Variants in CCDC92B observed in about 807,000 individuals in gnomAD.
CCDC92B encodes the protein coiled-coil domain-containing 92B.
In CCDC92B, 2 loss-of-function variants were observed where a neutral mutation model predicts 5.6. That is an observed-to-expected ratio of 0.36 (90% CI 0.15 to 1.12). The LOEUF is 1.12. Ranked by LOEUF, CCDC92B falls within the 50% of genes most tolerant of loss-of-function variation. CCDC92B has a pLI of 0.40. For missense variants in CCDC92B, 271 were observed against 262.2 expected (o/e 1.03, Z -0.23); for synonymous variants, 115 against 122.3 (o/e 0.94, Z 0.39).
intron 1 of CCDC92B, among the ~76,000 whole-genome samples, chr17:2,739,614 G>A (rs971803127): frequency 6.0e-5 from 9 of 149,866 alleles, no homozygotes; most frequent in Non-Finnish European, 8.9e-5. Flanking sequence ...CCCGGGAGGT[G>A]GAGCTTGCAG....
chr17:2,747,383 T>C (rs982020931), intron 1 of CCDC92B, among the ~76,000 whole-genome samples: 4 of 152,314 alleles, frequency 2.6e-5, no homozygotes, highest in East Asian at 1.9e-4. Context: ...ATTATTCTTA[T>C]AGTCAGCGCG....
At chr17:2,737,548 C>T (rs1408183824) in intron 1 of CCDC92B, among the ~76,000 whole-genome samples, 2 of 141,984 alleles carry the variant, frequency 1.4e-5, no homozygotes, top group Non-Finnish European at 3.0e-5. Context: ...GATCTCGGCT[C>T]ACTGCAAGCT....
Position 2,724,572 on chromosome 17 carries a change from C to A in CCDC92B, c.607G>T (p.Asp203Tyr). 1 of 981,736 alleles carries A rather than the reference C, an allele frequency of 1.0e-6. No homozygotes were observed. Among genetic ancestry groups the A allele is most frequent in the Non-Finnish European group, 1.2e-6 (1 of 828,474 alleles). The allele number at this position is 981,736 out of a possible 1,614,324, so 60.8% of individuals were successfully genotyped here. A position where few individuals can be genotyped will look rare whatever the true frequency, so the allele number is the denominator to read the frequency against. The change falls in exon 4 of 4, where the codon GAC becomes TAC. Residue 203 changes from aspartate (D) to tyrosine (Y), a missense_variant. Physicochemically the swap from Asp to Tyr is radical, Grantham distance 160. Transcript: ENST00000614400. This position sits in a 1 kb window ranked among gnomAD's most constrained non-coding sequence, Gnocchi z 5.0. ...AWDRGAGALD[D>Y]ADPMPDPALF... is the part of the protein sequence containing the mutation. ...GCGGGGTCGGGCATGGGGTCGGCGT[C>A]GTCGAGGGCGCCGGCCCCGCGGTCC...
At position 2,724,724 on chromosome 17, in the gene CCDC92B, T is replaced by TCATTTCTGCAATCCCA. The variant is rs2070704463; in HGVS notation, c.454_455insTGGGATTGCAGAAATG (p.Gln152LeufsTer6). 1.0e-6 allele frequency: 1 copy of TCATTTCTGCAATCCCA among 983,898 alleles called. No individual in the cohort carries two copies. Among genetic ancestry groups the TCATTTCTGCAATCCCA allele is most frequent in the Non-Finnish European group, 1.2e-6 (1 of 829,234 alleles). The allele number at this position is 983,898 out of a possible 1,614,324, so 60.9% of individuals were successfully genotyped here. On this transcript the variant is annotated stop_gained and frameshift_variant, in exon 4 of 4. Transcript: ENST00000614400. LOFTEE classifies it low-confidence loss of function (END_TRUNC). This position sits in a 1 kb window ranked among gnomAD's most constrained non-coding sequence, Gnocchi z 5.0. ...GGCGCCGGGGCCCGGGCGCGGGGCC[T>TCATTTCTGCAATCCCA]GCAGTCTCTGGCGCGCCGCGTGCAG...
At chr17:2,739,552 G>A (rs2070902833) in intron 1 of CCDC92B, among the ~76,000 whole-genome samples, 1 of 151,486 alleles carries the variant, frequency 6.6e-6, no homozygotes, top group Non-Finnish European at 1.5e-5. Context: ...CGTGGTGGCG[G>A]GTGCCTGTAG....
At position 2,730,086 on chromosome 17, in the gene CCDC92B, A is replaced by G. The variant is rs2070776042; in HGVS notation, c.178+360T>C. Among the ~76,000 whole-genome samples the G allele has an allele frequency of 2.0e-5, 3 of 152,214 alleles. No individual in the cohort carries two copies. In the South Asian group the frequency reaches 6.2e-4, roughly 32 times the overall value. On this transcript the variant is annotated intron_variant, in intron 3 of 3. Transcript: ENST00000614400. ...AAGCAGGCTAAGGGGAAGTAAAGCCACATTACCATTTCCTTCATGCCTTAC... is the reference window on the plus strand; with the variant it reads ...AAGCAGGCTAAGGGGAAGTAAAGCCGCATTACCATTTCCTTCATGCCTTAC...
intron 3 of CCDC92B, among the ~76,000 whole-genome samples, chr17:2,728,519 C>T (rs1038111561): frequency 7.5e-4 from 113 of 151,252 alleles, no homozygotes; most frequent in African/African-American, 2.3e-3. Context: ...GGCAGAATGG[C>T]GTGAACCCGG....
chr17:2,748,056 TG>T, intron 1 of CCDC92B: 2 of 512,924 alleles, frequency 3.9e-6, no homozygotes, highest in Non-Finnish European at 7.9e-6. Context: ...AGCACCCCAC[TG>T]GGTGCTCGTC....
intron 3 of CCDC92B, among the ~76,000 whole-genome samples, chr17:2,725,667 T>C (rs914605939): frequency 1.2e-4 from 18 of 151,904 alleles, no homozygotes; most frequent in Non-Finnish European, 2.6e-4. Flanking sequence ...ACGGTCTCTG[T>C]GAAGCTTATT....
rs533913653 is a variant in CCDC92B, at chr17:2,728,373, C to T, written c.178+2073G>A. ...CTGTAATCCCAGCACTTTGGGAGGCCGAGGTGGGTGGATCACGAGGTCAGG... is the reference window on the plus strand; with the variant it reads ...CTGTAATCCCAGCACTTTGGGAGGCTGAGGTGGGTGGATCACGAGGTCAGG... On this transcript the variant is annotated intron_variant, in intron 3 of 3. Coordinates refer to ENST00000614400, the MANE Select transcript of CCDC92B (RefSeq NM_001355573.2). Among the ~76,000 whole-genome samples, 38 of 151,146 alleles carry T rather than the reference C, an allele frequency of 2.5e-4. No homozygotes were observed. The East Asian group carries it at 6.8e-3, about 27-fold the overall frequency.
At chr17:2,738,194 C>G (rs1038618530) in intron 1 of CCDC92B, among the ~76,000 whole-genome samples, 2 of 151,922 alleles carry the variant, frequency 1.3e-5, no homozygotes, top group Non-Finnish European at 2.9e-5. Context: ...GTGACTGCCA[C>G]CATGCCTGGC....
intron 1 of CCDC92B, among the ~76,000 whole-genome samples, chr17:2,739,098 T>C (rs1441698657): frequency 2.7e-5 from 4 of 149,866 alleles, no homozygotes. Flanking sequence ...GCGGGCGCAA[T>C]GGCTCACGCC....
chr17:2,727,989 A>G (rs1424136197), intron 3 of CCDC92B, among the ~76,000 whole-genome samples: 1 of 152,056 alleles, frequency 6.6e-6, no homozygotes. Context: ...CAGCCTGGAC[A>G]ACAGAGCAAG....
In CCDC92B at chr17:2,723,666, G is replaced by C. The variant is rs1309749516; in HGVS notation, c.*745C>G. 1.3e-5 allele frequency: 2 copies of C among 152,412 alleles called. No individual in the cohort carries two copies. The highest frequency in any genetic ancestry group is 1.3e-4 in the Admixed American group (2 of 15,272). The allele number at this position is 152,412 out of a possible 1,614,324, so 9.4% of individuals were successfully genotyped here. A position where few individuals can be genotyped will look rare whatever the true frequency, so the allele number is the denominator to read the frequency against. ...CCTGTCACCTCCCTTCCCCAGCAGA[G>C]CTCCCAGTCCCTGCATACCCAGCGG... On this transcript the variant is annotated 3_prime_UTR_variant, in exon 4 of 4. Coordinates refer to ENST00000614400, the MANE Select transcript of CCDC92B (RefSeq NM_001355573.2).
chr17:2,748,017 A>T, intron 1 of CCDC92B: 1 of 447,874 alleles, frequency 2.2e-6, no homozygotes, highest in Non-Finnish European at 4.4e-6. Flanking sequence ...TTTGCTCAGT[A>T]TCTGCAACTA....
intron 3 of CCDC92B, among the ~76,000 whole-genome samples, chr17:2,727,808 AGT>A (rs1203384436): frequency 1.4e-5 from 2 of 144,966 alleles, no homozygotes; most frequent in East Asian, 4.1e-4. Flanking sequence ...TGGGCGCCAG[AGT>A]GAGACTCCGT....
intron 1 of CCDC92B, among the ~76,000 whole-genome samples, chr17:2,740,794 C>T (rs1289939251): frequency 3.3e-5 from 5 of 151,652 alleles, no homozygotes; most frequent in Non-Finnish European, 4.4e-5. Context: ...ATGATGAAAC[C>T]TCGTCTCTAC....
intron 1 of CCDC92B, among the ~76,000 whole-genome samples, chr17:2,745,815 T>C (rs1194769959): frequency 1.3e-5 from 2 of 152,156 alleles, no homozygotes; most frequent in African/African-American, 4.8e-5. Context: ...GACACAGCAC[T>C]AGATGTCCAG....
Position 2,724,349 on chromosome 17 carries a change from C to T in CCDC92B, c.*62G>A, listed in dbSNP as rs1458545558. On this transcript the variant is annotated 3_prime_UTR_variant, in exon 4 of 4. Transcript: ENST00000614400. This position sits in a 1 kb window ranked among gnomAD's most constrained non-coding sequence, Gnocchi z 5.0. ...CCGACCCGGGACCTGCCTGCGGGGACCGAGCTGCGTCCCTGGCCGGCCCTC... is the reference window on the plus strand; with the variant it reads ...CCGACCCGGGACCTGCCTGCGGGGATCGAGCTGCGTCCCTGGCCGGCCCTC... 8.1e-5 allele frequency: 80 copies of T among 985,228 alleles called. No individual in the cohort carries two copies. The highest frequency in any genetic ancestry group is 9.4e-5 in the Non-Finnish European group (78 of 829,882). 61.0% of individuals were successfully genotyped at this position (985,228 alleles called of 1,614,324 possible). A position where few individuals can be genotyped will look rare whatever the true frequency, so the allele number is the denominator to read the frequency against.
Sources: allele counts gnomAD v4.1 joint callset (sites outside exome capture counted in the v4.1 genomes callset), GRCh38; gene constraint gnomAD v4.1.1; non-coding constraint Gnocchi (gnomAD v3.1); transcripts MANE v1.5; gene names NCBI Gene and HGNC (gene_info 2026-07-23, HGNC 2026-07-21).